Variants in ZNF83 observed in about 807,000 individuals in gnomAD.
The protein encoded by ZNF83 is zinc finger protein 83, also known as zinc finger protein 816B.
For missense variants in ZNF83, 552 were observed against 629.9 expected (o/e 0.88, Z 1.32); for synonymous variants, 209 against 213.0 (o/e 0.98, Z 0.17).
At chr19:52,613,837 C>A in exon 3 of ZNF83, 1 of 1,613,842 alleles carries the variant, frequency 6.2e-7, no homozygotes, top group African/African-American at 1.3e-5. Flanking sequence ...GGAATTGCGA[C>A]TGAACACCTT....
At chr19:52,681,157 C>T (rs1011213332) in intron 1 of ZNF83, among the ~76,000 whole-genome samples, 10 of 151,098 alleles carry the variant, frequency 6.6e-5, no homozygotes, top group Non-Finnish European at 1.3e-4. Flanking sequence ...TGGTGGCAGG[C>T]ACCTGTAATC....
chr19:52,666,218 A>C (rs1490951703), intron 1 of ZNF83, among the ~76,000 whole-genome samples: 1 of 151,876 alleles, frequency 6.6e-6, no homozygotes, highest in East Asian at 1.9e-4. Context: ...AGAAAGAGAC[A>C]GAGAGACAAA....
rs1407500759 is a variant in ZNF83, at chr19:52,687,544, AATTATATGTGTAAAT to A, written c.-283+2884_-283+2898del. 1.5e-3 allele frequency among the ~76,000 whole-genome samples: 38 copies of A among 25,128 alleles called. 1 individual carries two copies. Among genetic ancestry groups the A allele is most frequent in the African/African-American group, 4.6e-3 (29 of 6,264 alleles). The allele number at this position is 25,128 out of a possible 152,430, so 16.5% of individuals were successfully genotyped here. On this transcript the variant is annotated intron_variant, in intron 1 of 5. Coordinates refer to the ZNF83 transcript ENST00000594682. ...ATTTTATATATAAATTATATATATA[AATTATATGTGTAAAT>A]TTTATATATATATAAATTTTATATA... is the stretch of plus-strand genomic sequence containing the variant.
At chr19:52,623,705 C>T (rs1191262493) in intron 2 of ZNF83, among the ~76,000 whole-genome samples, 2 of 152,062 alleles carry the variant, frequency 1.3e-5, no homozygotes, top group Admixed American at 6.6e-5. Flanking sequence ...ATCACCCTTA[C>T]CCTGCTCAAC....
chr19:52,620,634 CAG>C (rs1313406040), intron 2 of ZNF83, among the ~76,000 whole-genome samples: 1 of 152,174 alleles, frequency 6.6e-6, no homozygotes, highest in African/African-American at 2.4e-5. Context: ...GATGAAATAT[CAG>C]AGTAAAATAT....
intron 1 of ZNF83, among the ~76,000 whole-genome samples, chr19:52,663,177 A>C (rs1600244379): frequency 6.6e-6 from 1 of 152,152 alleles, no homozygotes; most frequent in Non-Finnish European, 1.5e-5. Context: ...AAGGAAAAAA[A>C]AAATTCCAGG....
At chr19:52,629,295 GGTCCCTGTGCCCA>G (rs765969564) in intron 2 of ZNF83, among the ~76,000 whole-genome samples, 9 of 151,886 alleles carry the variant, frequency 5.9e-5, no homozygotes, top group South Asian at 4.2e-4. Context: ...TTTACACATC[GGTCCCTGTGCCCA>G]GTCTCTGTGC....
chr19:52,630,275 C>CCCG (rs2060905618), intron 2 of ZNF83, among the ~76,000 whole-genome samples: 2 of 152,208 alleles, frequency 1.3e-5, no homozygotes, highest in African/African-American at 4.8e-5. Flanking sequence ...CCTCGGAAGC[C>CCCG]TACAGGACCA....
chr19:52,685,897 CAA>C (rs3055370), intron 1 of ZNF83, among the ~76,000 whole-genome samples: 23 of 132,522 alleles, frequency 1.7e-4, no homozygotes, highest in South Asian at 5.1e-4. Flanking sequence ...GTAACTGTCA[CAA>C]AAAAAAAAAA....
intron 2 of ZNF83, among the ~76,000 whole-genome samples, chr19:52,660,184 T>G (rs561020613): frequency 1.3e-5 from 2 of 152,204 alleles, no homozygotes; most frequent in East Asian, 3.9e-4. Context: ...GTGGGAAATT[T>G]TGCATAGTCT....
intron 1 of ZNF83, among the ~76,000 whole-genome samples, chr19:52,689,359 C>T (rs1301770245): frequency 6.6e-6 from 1 of 152,102 alleles, no homozygotes; most frequent in African/African-American, 2.4e-5. Flanking sequence ...CCTCTGCTCT[C>T]CCTGTTACAT....
intron 2 of ZNF83, among the ~76,000 whole-genome samples, chr19:52,629,521 T>C (rs1212240387): frequency 6.6e-6 from 1 of 152,150 alleles, no homozygotes; most frequent in East Asian, 1.9e-4. Context: ...GTAATCTTTT[T>C]ATCACCTCAC....
chr19:52,674,359 A>AG (rs2061770288), intron 1 of ZNF83: 1 of 152,282 alleles, frequency 6.6e-6, no homozygotes, highest in South Asian at 2.1e-4. Context: ...CTTTTCCTGT[A>AG]GGATCTCACA....
chr19:52,687,598 TGTATATATATATAATGTG>T lies in ZNF83; in HGVS notation c.-283+2827_-283+2844del, dbSNP rs1568588864. On this transcript the variant is annotated intron_variant, in intron 1 of 5. Transcript: ENST00000594682. ...AAATTTTATATATATATATATATAA[TGTATATATATATAATGTG>T]TATATATATATATAATGTATATATA... Among the ~76,000 whole-genome samples the T allele has an allele frequency of 1.9e-3, 48 of 25,354 alleles. 1 individual carries two copies. Among genetic ancestry groups the T allele is most frequent in the African/African-American group, 0.016 (45 of 2,768 alleles). The allele number at this position is 25,354 out of a possible 152,430, so 16.6% of individuals were successfully genotyped here. A position where few individuals can be genotyped will look rare whatever the true frequency, so the allele number is the denominator to read the frequency against.
At position 52,687,584 on chromosome 19, in the gene ZNF83, A is replaced by ATATATATAATG. The variant is rs1555792719; in HGVS notation, c.-283+2858_-283+2859insCATTATATATA. ...TTTTATATATATATAAATTTTATAT[A>ATATATATAATG]TATATATATATAATGTATATATATA... On this transcript the variant is annotated intron_variant, in intron 1 of 5. Transcript: ENST00000594682. Among the ~76,000 whole-genome samples, 57 of 37,318 alleles carry ATATATATAATG rather than the reference A, an allele frequency of 1.5e-3. 15 individuals are homozygous for ATATATATAATG. Among genetic ancestry groups the ATATATATAATG allele is most frequent in the African/African-American group, 0.014 (51 of 3,650 alleles). The allele number at this position is 37,318 out of a possible 152,430, so 24.5% of individuals were successfully genotyped here.
upstream of ZNF83, among the ~76,000 whole-genome samples, chr19:52,642,920 G>A (rs1458682226): frequency 6.6e-6 from 1 of 152,126 alleles, no homozygotes; most frequent in African/African-American, 2.4e-5. Context: ...ACTCTGGAAG[G>A]CTGAGATGGG....
At chr19:52,652,935 G>A (rs2061461728) in intron 3 of ZNF83, 1 of 1,204,286 alleles carries the variant, frequency 8.3e-7, no homozygotes, top group Non-Finnish European at 1.2e-6. Flanking sequence ...GGTATACAAA[G>A]GATGACATAT....
At chr19:52,633,033 A>G (rs2061024974) in intron 2 of ZNF83, among the ~76,000 whole-genome samples, 1 of 152,188 alleles carries the variant, frequency 6.6e-6, no homozygotes. Flanking sequence ...TTATTAATAT[A>G]AGAAGACAGG....
intron 2 of ZNF83, among the ~76,000 whole-genome samples, chr19:52,634,739 T>C (rs1413058597): frequency 4.6e-5 from 7 of 151,954 alleles, no homozygotes; most frequent in Middle Eastern, 3.4e-3. Flanking sequence ...CCACAGAGAG[T>C]TGACAGAGCA....
Sources: allele counts gnomAD v4.1 joint callset (sites outside exome capture counted in the v4.1 genomes callset), GRCh38; gene constraint gnomAD v4.1.1; transcripts MANE v1.5; gene names NCBI Gene and HGNC (gene_info 2026-07-23, HGNC 2026-07-21).